Variants in PAM observed in about 807,000 individuals in gnomAD.
PAM encodes peptidyl-glycine alpha-amidating monooxygenase.
PAM carries 72 observed loss-of-function variants against 122.1 expected under a neutral mutation model. That is an observed-to-expected ratio of 0.59 (90% CI 0.49 to 0.72). The LOEUF is 0.72. Ranked by LOEUF, PAM falls within the 30% of genes least tolerant of loss-of-function variation. The pLI, the probability that PAM is intolerant of heterozygous loss-of-function variation, is 0.00. For synonymous variants in PAM, 389 were observed against 404.4 expected (o/e 0.96, Z 0.46); for missense variants, 1,106 against 1,183.7 (o/e 0.93, Z 0.96).
intron 1 of PAM, among the ~76,000 whole-genome samples, chr5:102,821,161 T>A (rs1451857784): frequency 6.6e-6 from 1 of 152,194 alleles, no homozygotes; most frequent in Non-Finnish European, 1.5e-5. Context: ...TTTTTCAAGG[T>A]AAGGATTGGA....
intron 15 of PAM, among the ~76,000 whole-genome samples, chr5:102,988,106 T>A (rs1772537331): frequency 6.6e-6 from 1 of 152,118 alleles, no homozygotes; most frequent in Non-Finnish European, 1.5e-5. Context: ...GCTAATCCAG[T>A]CCCCAGCCCC....
At chr5:102,873,435 G>A (rs1788167698) in intron 3 of PAM, 1 of 152,208 alleles carries the variant, frequency 6.6e-6, no homozygotes, top group Non-Finnish European at 1.5e-5. Context: ...GCGATTGCTG[G>A]GAAGTGCCTA....
At chr5:102,872,252 G>T (rs1787769569) in intron 3 of PAM, among the ~76,000 whole-genome samples, 1 of 152,090 alleles carries the variant, frequency 6.6e-6, no homozygotes, top group Admixed American at 6.6e-5. Context: ...CTATTGCCAG[G>T]AATCAGAACA....
chr5:102,897,874 T>C (rs1796632439), intron 3 of PAM, among the ~76,000 whole-genome samples: 1 of 151,692 alleles, frequency 6.6e-6, no homozygotes, highest in Non-Finnish European at 1.5e-5. Flanking sequence ...AGTTTTCATA[T>C]GTAATAATAT....
chr5:102,998,092 G>A (rs1223372066), intron 16 of PAM, among the ~76,000 whole-genome samples: 1 of 152,186 alleles, frequency 6.6e-6, no homozygotes, highest in African/African-American at 2.4e-5. Context: ...GGACCTATAA[G>A]AAATGCTTTA....
chr5:102,757,117 G>A (rs1750632626), intron 1 of PAM, among the ~76,000 whole-genome samples: 1 of 152,128 alleles, frequency 6.6e-6, no homozygotes, highest in Non-Finnish European at 1.5e-5. Context: ...CACAAGGTCA[G>A]AAGTTCCGTA....
At chr5:102,786,238 A>G (rs917028456) in intron 1 of PAM, among the ~76,000 whole-genome samples, 3 of 152,204 alleles carry the variant, frequency 2.0e-5, no homozygotes, top group African/African-American at 7.2e-5. Context: ...AGCTCTGTCC[A>G]CATGTAGAAG....
intron 1 of PAM, among the ~76,000 whole-genome samples, chr5:102,863,049 C>T (rs1426119271): frequency 6.9e-6 from 1 of 144,396 alleles, no homozygotes; most frequent in Admixed American, 6.7e-5. Flanking sequence ...TTTGTAAGAG[C>T]CAAATTAGTT....
chr5:102,872,358 T>C (rs1787806702), intron 3 of PAM, among the ~76,000 whole-genome samples: 1 of 152,226 alleles, frequency 6.6e-6, no homozygotes, highest in South Asian at 2.1e-4. Context: ...AAAATATTGA[T>C]GAAAGAATGT....
At position 103,019,859 on chromosome 5, in the gene PAM, C is replaced by G; in HGVS notation, c.2485+16C>G. On this transcript the variant is annotated intron_variant, in intron 23 of 25. Coordinates refer to ENST00000438793, the MANE Select transcript of PAM (RefSeq NM_001177306.2). ...GAAATCAAAGGTTGGTCAGATTCCT[C>G]TTATTACTATAAAACCAAAGTCTGG... is the stretch of plus-strand genomic sequence containing the variant. 6.5e-7 allele frequency: 1 copy of G among 1,548,384 alleles called. No homozygotes were observed. Among genetic ancestry groups the G allele is most frequent in the Non-Finnish European group, 8.9e-7 (1 of 1,120,346 alleles).
At chr5:102,863,882 T>A (rs1784809481) in intron 1 of PAM, among the ~76,000 whole-genome samples, 1 of 151,260 alleles carries the variant, frequency 6.6e-6, no homozygotes, top group African/African-American at 2.4e-5. Flanking sequence ...TAAGACCTTT[T>A]GTTCTATTCA....
intron 1 of PAM, among the ~76,000 whole-genome samples, chr5:102,825,437 G>A (rs73189022): frequency 0.016 from 2,496 of 152,232 alleles, 56 homozygotes; most frequent in African/African-American, 0.058. Flanking sequence ...GAGGGAACCC[G>A]GTTGCTTACT....
intron 4 of PAM, among the ~76,000 whole-genome samples, chr5:102,908,276 T>C (rs1292928801): frequency 1.3e-5 from 2 of 151,914 alleles, no homozygotes; most frequent in Non-Finnish European, 1.5e-5. Flanking sequence ...AAAGATCAGA[T>C]AGTTGTAGAT....
At chr5:102,954,935 A>C (rs1760226950) in intron 12 of PAM, among the ~76,000 whole-genome samples, 1 of 152,134 alleles carries the variant, frequency 6.6e-6, no homozygotes, top group Admixed American at 6.6e-5. Flanking sequence ...TTTAATCTGC[A>C]TTTTTAAATA....
intron 22 of PAM, among the ~76,000 whole-genome samples, chr5:103,018,175 C>T (rs1413660262): frequency 6.6e-6 from 1 of 151,870 alleles, no homozygotes; most frequent in East Asian, 1.9e-4. Context: ...GCCCAAATAG[C>T]AGAAGGTGAG....
chr5:102,850,605 G>A (rs1781116296), intron 1 of PAM, among the ~76,000 whole-genome samples: 1 of 152,164 alleles, frequency 6.6e-6, no homozygotes, highest in Non-Finnish European at 1.5e-5. Context: ...ATCACACACA[G>A]GCTTTTAAAA....
At chr5:102,811,573 G>A (rs752098916) in intron 1 of PAM, among the ~76,000 whole-genome samples, 4 of 152,012 alleles carry the variant, frequency 2.6e-5, no homozygotes, top group Middle Eastern at 3.2e-3. Context: ...AAGTCCTTTC[G>A]GCCATGTAAG....
intron 7 of PAM, among the ~76,000 whole-genome samples, chr5:102,931,805 A>ACTCTCTCTCTCT (rs879417466): frequency 2.8e-5 from 4 of 140,392 alleles, no homozygotes; most frequent in African/African-American, 1.0e-4. Flanking sequence ...AACAAACAAC[A>ACTCTCTCTCTCT]CACTCTCTCT....
chr5:103,013,459 TAG>T (rs1781192222), intron 21 of PAM, among the ~76,000 whole-genome samples: 1 of 152,178 alleles, frequency 6.6e-6, no homozygotes, highest in African/African-American at 2.4e-5. Flanking sequence ...GTTTTTTTGG[TAG>T]AGTCTTTAGG....
Sources: allele counts gnomAD v4.1 joint callset (sites outside exome capture counted in the v4.1 genomes callset), GRCh38; gene constraint gnomAD v4.1.1; transcripts MANE v1.5; gene names NCBI Gene and HGNC (gene_info 2026-07-23, HGNC 2026-07-21).